The following APBA1 variants were observed in gnomAD, a reference collection of about 807,000 sequenced individuals.
APBA1 encodes amyloid beta precursor protein binding family A member 1.
A neutral mutation model predicts 86.6 loss-of-function variants in APBA1; 55 were observed. The observed-to-expected ratio is 0.64, with a 90% CI of 0.51 to 0.80. The LOEUF is 0.80. Ranked by LOEUF, APBA1 falls within the 30% of genes least tolerant of loss-of-function variation. The probability of loss-of-function intolerance (pLI) is 0.00; values close to 1 mark genes in which losing one functional copy is unlikely to be tolerated. For synonymous variants in APBA1, 511 were observed against 493.9 expected, an observed-to-expected ratio of 1.03 and a Z score of -0.46; for missense variants, 1,090 against 1,183.0, an observed-to-expected ratio of 0.92 and a Z score of 1.15.
chr9:69,452,491 A>G (rs938642532), intron 8 of APBA1, among the ~76,000 whole-genome samples, 190 bp from the exon 9 acceptor site: 10 of 152,220 alleles, frequency 6.6e-5, no homozygotes, highest in Non-Finnish European at 1.3e-4. Flanking sequence ...AAGACTGGGG[A>G]TGTTTTTGAT....
At chr9:69,467,477 C>T (rs1835297364) in intron 5 of APBA1, among the ~76,000 whole-genome samples, 1 of 152,140 alleles carries the variant, frequency 6.6e-6, no homozygotes, top group African/African-American at 2.4e-5. Context: ...CACTGACCTC[C>T]AGCTGTCAGT....
intron 8 of APBA1, among the ~76,000 whole-genome samples, chr9:69,454,208 T>G (rs558555495): frequency 6.6e-6 from 1 of 152,362 alleles, no homozygotes; most frequent in South Asian, 2.1e-4. Context: ...CTTTTCTCAC[T>G]GTTAGAATCT....
At chr9:69,510,879 C>T (rs1836025165) in intron 2 of APBA1, among the ~76,000 whole-genome samples, 1 of 145,492 alleles carries the variant, frequency 6.9e-6, no homozygotes, top group Admixed American at 6.9e-5. Context: ...ATGTAGAAAG[C>T]TGAAACTGGA....
At chr9:69,539,893 C>T (rs553156986) in intron 1 of APBA1, among the ~76,000 whole-genome samples, 48 of 152,028 alleles carry the variant, frequency 3.2e-4, no homozygotes, top group Non-Finnish European at 4.6e-4. Context: ...CTAAGGGTGG[C>T]GGATCTACTG....
intron 2 of APBA1, among the ~76,000 whole-genome samples, chr9:69,493,724 G>T (rs1051699080): frequency 6.6e-6 from 1 of 152,092 alleles, no homozygotes; most frequent in Non-Finnish European, 1.5e-5. Flanking sequence ...ATGGAAGCAT[G>T]CATAGACACC....
chr9:69,499,871 T>C (rs1835855964), intron 2 of APBA1, among the ~76,000 whole-genome samples: 1 of 152,068 alleles, frequency 6.6e-6, no homozygotes, highest in Non-Finnish European at 1.5e-5. Flanking sequence ...TCTCAGGATT[T>C]TGACAATACC....
intron 1 of APBA1, among the ~76,000 whole-genome samples, chr9:69,571,504 A>T (rs1228983250): frequency 6.6e-6 from 1 of 152,210 alleles, no homozygotes; most frequent in South Asian, 2.1e-4. Flanking sequence ...TTGAGTGTGT[A>T]TATATTTGCA....
At chr9:69,598,336 T>A (rs1411284993) in intron 1 of APBA1, among the ~76,000 whole-genome samples, 1 of 151,834 alleles carries the variant, frequency 6.6e-6, no homozygotes, top group Non-Finnish European at 1.5e-5. Flanking sequence ...TAATGCTAGG[T>A]GACGAGTTAG....
At chr9:69,436,309 T>G (rs1286809030) in intron 11 of APBA1, among the ~76,000 whole-genome samples, 2 of 150,808 alleles carry the variant, frequency 1.3e-5, no homozygotes, top group Non-Finnish European at 3.0e-5. Flanking sequence ...TTTCCAATTC[T>G]GTGAAGAAAG....
chr9:69,626,879 G>C (rs1822944854), intron 1 of APBA1, among the ~76,000 whole-genome samples: 2 of 151,122 alleles, frequency 1.3e-5, no homozygotes, highest in African/African-American at 4.9e-5. Context: ...CCTGAGGCCA[G>C]TGGGAGAAGA....
chr9:69,612,522 G>A (rs987764321), intron 1 of APBA1, among the ~76,000 whole-genome samples: 1 of 151,928 alleles, frequency 6.6e-6, no homozygotes, highest in African/African-American at 2.4e-5. Context: ...TATATTGGGT[G>A]TATTAAACAT....
At chr9:69,643,608 C>T (rs1421742574) in intron 1 of APBA1, among the ~76,000 whole-genome samples, 3 of 152,120 alleles carry the variant, frequency 2.0e-5, no homozygotes, top group Non-Finnish European at 2.9e-5. Context: ...GAGCCAAACA[C>T]GGCCCATGCA....
rs186990223 is a variant in APBA1 at position 69,456,313 on chromosome 9, C to T, written c.1722G>A (p.Ala574=). The change falls in exon 8 of 13, where the codon GCG becomes GCA. Residue 574 remains alanine, a synonymous_variant. Coordinates refer to ENST00000265381, the MANE Select transcript of APBA1 (RefSeq NM_001163.4). ...TTTTCCCATCCTGGGATGGGTGGGA[C>T]GCTTCCACGTTCTCCTGGGAGTTGG... The part of the protein sequence containing the change: ...PRSNSQENVE[A]SHPSQDGKRQ... 5.3e-5 allele frequency: 86 copies of T among 1,614,176 alleles called. No homozygotes were observed. Among genetic ancestry groups the T allele is most frequent in the East Asian group, 2.7e-4 (12 of 44,872 alleles).
At chr9:69,434,972 T>A (rs562199494) in intron 11 of APBA1, among the ~76,000 whole-genome samples, 4 of 115,534 alleles carry the variant, frequency 3.5e-5, no homozygotes, top group Admixed American at 2.4e-4. Flanking sequence ...CAGTCCCCAG[T>A]GTGTGATGTT....
intron 11 of APBA1, among the ~76,000 whole-genome samples, chr9:69,440,446 C>T (rs533588194): frequency 1.1e-4 from 15 of 136,902 alleles, no homozygotes; most frequent in Non-Finnish European, 1.9e-4. Context: ...TCGAGCTTCC[C>T]CGCTGCTTTG....
chr9:69,482,966 T>C (rs1588310924), intron 2 of APBA1, among the ~76,000 whole-genome samples: 1 of 96,440 alleles, frequency 1.0e-5, no homozygotes, highest in Non-Finnish European at 2.0e-5. Flanking sequence ...CTGGGGACTG[T>C]TGTGGGGTGG....
intron 5 of APBA1, chr9:69,465,181 A>T (rs1835256168): frequency 6.6e-6 from 1 of 152,244 alleles, no homozygotes; most frequent in Non-Finnish European, 1.5e-5. Flanking sequence ...CTGGCCCAGA[A>T]AATGCCCCCA....
At chr9:69,616,850 G>A (rs560591739) in intron 1 of APBA1, among the ~76,000 whole-genome samples, 7 of 152,216 alleles carry the variant, frequency 4.6e-5, no homozygotes, top group African/African-American at 7.2e-5. Flanking sequence ...GGTCAAAAGG[G>A]GGGAATGTGA....
chr9:69,512,393 A>T (rs1836064834), intron 2 of APBA1, among the ~76,000 whole-genome samples: 1 of 152,190 alleles, frequency 6.6e-6, no homozygotes, highest in East Asian at 1.9e-4. Flanking sequence ...GGGGGAATTA[A>T]AAGTAGTGTT....
Sources: allele counts gnomAD v4.1 joint callset (sites outside exome capture counted in the v4.1 genomes callset), GRCh38; gene constraint gnomAD v4.1.1; transcripts MANE v1.5; gene names NCBI Gene and HGNC (gene_info 2026-07-23, HGNC 2026-07-21).